The following SNTB1 variants were observed in gnomAD, a reference collection of about 807,000 sequenced individuals.
SNTB1 encodes the protein beta-1-syntrophin.
Under a neutral mutation model 48.9 loss-of-function variants are expected in SNTB1, and 36 were observed. That is an observed-to-expected ratio of 0.74 (90% CI 0.56 to 0.97). The LOEUF is 0.97. Among genes scored for constraint, SNTB1 ranks in the 50% least tolerant of loss-of-function variants. SNTB1 has a pLI of 0.00. For synonymous variants in SNTB1, 299 were observed against 294.6 expected (o/e 1.01, Z -0.15); for missense variants, 786 against 703.4 (o/e 1.12, Z -1.33).
intron 4 of SNTB1, among the ~76,000 whole-genome samples, chr8:120,561,769 A>G (rs1173916823): frequency 6.6e-6 from 1 of 152,190 alleles, no homozygotes; most frequent in African/African-American, 2.4e-5. Flanking sequence ...CAGCTCTTAT[A>G]ACACTCGGCT....
chr8:120,649,770 C>T (rs1440717000), intron 2 of SNTB1, among the ~76,000 whole-genome samples: 1 of 152,214 alleles, frequency 6.6e-6, no homozygotes, highest in Admixed American at 6.5e-5. Context: ...CCCAGCCTAG[C>T]TGCCACCTTG....
At chr8:120,642,809 G>A (rs1370505696) in intron 2 of SNTB1, among the ~76,000 whole-genome samples, 3 of 152,204 alleles carry the variant, frequency 2.0e-5, no homozygotes, top group African/African-American at 4.8e-5. Flanking sequence ...CTACTCAGGA[G>A]GCTGAGGTGG....
intron 1 of SNTB1, among the ~76,000 whole-genome samples, chr8:120,790,464 A>T (rs192944202): frequency 6.6e-6 from 1 of 151,960 alleles, no homozygotes; most frequent in Non-Finnish European, 1.5e-5. Flanking sequence ...TGTCAATGAC[A>T]TAATCTTATA....
intron 1 of SNTB1, among the ~76,000 whole-genome samples, chr8:120,719,401 T>A (rs997679600): frequency 6.6e-6 from 1 of 152,178 alleles, no homozygotes; most frequent in South Asian, 2.1e-4. Context: ...TTGCTCCTCA[T>A]CTTGCAGATG....
chr8:120,766,789 T>C (rs1293457672), intron 1 of SNTB1, among the ~76,000 whole-genome samples: 6 of 152,214 alleles, frequency 3.9e-5, no homozygotes, highest in Non-Finnish European at 8.8e-5. Context: ...TATGTTTTAA[T>C]AGAAAAATGT....
chr8:120,636,078 T>C (rs1817071000), intron 2 of SNTB1: 2 of 550,128 alleles, frequency 3.6e-6, no homozygotes, highest in Non-Finnish European at 5.4e-6. Flanking sequence ...TAAAAAGGAA[T>C]TTATTTCTTA....
intron 2 of SNTB1, among the ~76,000 whole-genome samples, chr8:120,649,873 G>A (rs559547887): frequency 1.2e-4 from 19 of 152,260 alleles, no homozygotes; most frequent in African/African-American, 4.1e-4. Flanking sequence ...CTCGTGGTGT[G>A]CCATTTTTTA....
At chr8:120,665,393 AG>A (rs1469002365) in intron 2 of SNTB1, among the ~76,000 whole-genome samples, 1 of 152,166 alleles carries the variant, frequency 6.6e-6, no homozygotes, top group Admixed American at 6.5e-5. Flanking sequence ...CGGAGTTTAC[AG>A]TGAGCTGAGA....
intron 3 of SNTB1, among the ~76,000 whole-genome samples, chr8:120,599,871 T>C (rs543818512): frequency 6.6e-6 from 1 of 152,324 alleles, no homozygotes; most frequent in African/African-American, 2.4e-5. Flanking sequence ...GCTAGTGACA[T>C]GGATAGGTAC....
intron 2 of SNTB1, among the ~76,000 whole-genome samples, chr8:120,672,494 T>G (rs1168324435): frequency 2.0e-5 from 3 of 152,168 alleles, no homozygotes; most frequent in African/African-American, 7.2e-5. Context: ...ATGATTTAAC[T>G]CACTGATCAG....
At chr8:120,619,008 A>G (rs1347954131) in intron 3 of SNTB1, among the ~76,000 whole-genome samples, 1 of 152,188 alleles carries the variant, frequency 6.6e-6, no homozygotes, top group African/African-American at 2.4e-5. Context: ...AAATGAGAAA[A>G]CAATAAAATC....
intron 3 of SNTB1, among the ~76,000 whole-genome samples, chr8:120,631,156 T>C (rs751906976): frequency 5.9e-5 from 9 of 152,112 alleles, no homozygotes; most frequent in Non-Finnish European, 1.3e-4. Context: ...ACACATGCAT[T>C]TGGAGAGAGT....
At chr8:120,722,664 T>C (rs977575533) in intron 1 of SNTB1, among the ~76,000 whole-genome samples, 2 of 152,216 alleles carry the variant, frequency 1.3e-5, no homozygotes, top group Non-Finnish European at 2.9e-5. Context: ...ATGAGTAGAT[T>C]GCAAAAATTT....
intron 1 of SNTB1, among the ~76,000 whole-genome samples, chr8:120,758,226 A>G (rs1394625387): frequency 6.6e-6 from 1 of 152,196 alleles, no homozygotes; most frequent in African/African-American, 2.4e-5. Flanking sequence ...TTTTGTCAAG[A>G]GAGCTAATAA....
chr8:120,615,880 A>G (rs567022932), intron 3 of SNTB1, among the ~76,000 whole-genome samples: 1 of 151,752 alleles, frequency 6.6e-6, no homozygotes, highest in African/African-American at 2.4e-5. Context: ...AACTGGATGT[A>G]GCTCTTTAAA....
At chr8:120,556,072 A>C (rs567833771) in intron 4 of SNTB1, among the ~76,000 whole-genome samples, 3 of 152,180 alleles carry the variant, frequency 2.0e-5, no homozygotes, top group Non-Finnish European at 4.4e-5. Flanking sequence ...ACTCTACACA[A>C]ACCCAAGTCT....
intron 1 of SNTB1, among the ~76,000 whole-genome samples, chr8:120,796,878 C>T (rs1478474045): frequency 6.6e-6 from 1 of 151,968 alleles, no homozygotes; most frequent in Non-Finnish European, 1.5e-5. Context: ...TCTTTCTGTA[C>T]ACCTATAAAA....
At chr8:120,558,873 T>A (rs1815609422) in intron 4 of SNTB1, among the ~76,000 whole-genome samples, 1 of 152,234 alleles carries the variant, frequency 6.6e-6, no homozygotes, top group Non-Finnish European at 1.5e-5. Context: ...ATAAGTTTGA[T>A]CAAGGTAGAA....
At chr8:120,689,849 T>C (rs989010122) in intron 2 of SNTB1, among the ~76,000 whole-genome samples, 1 of 152,254 alleles carries the variant, frequency 6.6e-6, no homozygotes, top group Non-Finnish European at 1.5e-5. Context: ...CTAATGGAAC[T>C]TATTGCATTT....
Sources: allele counts gnomAD v4.1 joint callset (sites outside exome capture counted in the v4.1 genomes callset), GRCh38; gene constraint gnomAD v4.1.1; transcripts MANE v1.5; gene names NCBI Gene and HGNC (gene_info 2026-07-23, HGNC 2026-07-21).